R3HDM2: variants seen among roughly 807,000 people sequenced by gnomAD.
R3HDM2 encodes R3H domain-containing protein 2.
Under a neutral mutation model 124.5 loss-of-function variants are expected in R3HDM2, and 38 were observed. The observed-to-expected ratio is 0.31, with a 90% CI of 0.24 to 0.40. The LOEUF (loss-of-function observed/expected upper bound fraction) is 0.40. Ranked by LOEUF, R3HDM2 falls within the 10% of genes least tolerant of loss-of-function variation. R3HDM2 has a pLI of 1.00. For missense variants in R3HDM2, 869 were observed against 1,236.9 expected (o/e 0.70, Z 4.46); for synonymous variants, 391 against 448.0 (o/e 0.87, Z 1.61).
chr12:57,430,196 G>C (rs566655060), intron 1 of R3HDM2, among the ~76,000 whole-genome samples: 1 of 152,248 alleles, frequency 6.6e-6, no homozygotes, highest in African/African-American at 2.4e-5. Flanking sequence ...ACGGGAAAAC[G>C]AATCGAAGCG....
intron 19 of R3HDM2, among the ~76,000 whole-genome samples, chr12:57,264,580 G>A (rs1291442737): frequency 2.1e-4 from 31 of 145,822 alleles, no homozygotes; most frequent in African/African-American, 7.6e-4. Flanking sequence ...TCAAAAAAAA[G>A]AAAAGAAAAG....
chr12:57,418,640 CCT>C (rs758562427), intron 1 of R3HDM2, among the ~76,000 whole-genome samples: 11 of 151,544 alleles, frequency 7.3e-5, no homozygotes, highest in Non-Finnish European at 1.2e-4. Flanking sequence ...CTCACCGCAA[CCT>C]CTGTCTCCCC....
intron 2 of R3HDM2, among the ~76,000 whole-genome samples, chr12:57,382,831 A>G (rs1018814008): frequency 2.2e-4 from 33 of 151,764 alleles, no homozygotes; most frequent in Non-Finnish European, 3.8e-4. Flanking sequence ...GAGAGACTCC[A>G]TCTCAAAAAT....
In R3HDM2 at chr12:57,271,149, C is replaced by T. The variant is rs572856957; in HGVS notation, c.1345-1155G>A. 3.9e-5 allele frequency among the ~76,000 whole-genome samples: 6 copies of T among 152,326 alleles called. No homozygotes were observed. In the South Asian group the frequency reaches 1.2e-3, roughly 32 times the overall value. On this transcript the variant is annotated intron_variant, in intron 14 of 23. Coordinates refer to ENST00000402412, the MANE Select transcript of R3HDM2 (RefSeq NM_001394031.1). ...AGCAGCAAGACTGGGGGCTCCCACT[C>T]CTGCTGCTTATCTCCTTACTCCCTC...
Position 57,255,120 on chromosome 12 carries a change from G to A in R3HDM2, c.2633-7C>T, listed in dbSNP as rs772288152. On this transcript the variant is annotated splice_polypyrimidine_tract_variant and splice_region_variant and intron_variant, in intron 23 of 23. Transcript: ENST00000402412. ...TCCAGCACCCGCCCCAGGACTGGAA[G>A]GGGAGGAGAGAGGACATGGTTGTGA... The A allele has an allele frequency of 2.5e-6, 4 of 1,569,382 alleles. No individual in the cohort carries two copies. In the African/African-American group the frequency reaches 4.1e-5, roughly 16 times the overall value.
intron 12 of R3HDM2, 132 bp downstream of exon 12, chr12:57,288,877 G>T: frequency 6.4e-7 from 1 of 1,551,276 alleles, no homozygotes; most frequent in Non-Finnish European, 8.7e-7. Flanking sequence ...GCCTTCTCTT[G>T]TGAGAGCTAG....
chr12:57,294,631 GCTCTTCAAATCGAATCCCTTTTGGAGGC>G (rs1566009834), intron 10 of R3HDM2, among the ~76,000 whole-genome samples: 5 of 152,062 alleles, frequency 3.3e-5, no homozygotes, highest in African/African-American at 1.2e-4. Context: ...ACTCAACCAC[GCTCTTCAAATCGAATCCCTTTTGGAGGC>G]CAAGCAGAGG....
chr12:57,380,504 G>A (rs1033536077), intron 2 of R3HDM2, among the ~76,000 whole-genome samples: 2 of 152,158 alleles, frequency 1.3e-5, no homozygotes, highest in Non-Finnish European at 2.9e-5. Context: ...GGTTGCAGAT[G>A]TTCTTTCTGT....
intron 1 of R3HDM2, among the ~76,000 whole-genome samples, chr12:57,396,742 C>T (rs1405900449): frequency 2.8e-5 from 4 of 144,916 alleles, no homozygotes; most frequent in Non-Finnish European, 6.0e-5. Context: ...CATGCCACTG[C>T]ACTCCAGGCT....
intron 2 of R3HDM2, among the ~76,000 whole-genome samples, chr12:57,375,696 C>T (rs899069759): frequency 1.6e-4 from 22 of 140,074 alleles, no homozygotes; most frequent in Non-Finnish European, 2.6e-4. Flanking sequence ...TTTTTTGAGA[C>T]GGAGTCTTGC....
chr12:57,369,016 C>T (rs1422848340), intron 2 of R3HDM2, among the ~76,000 whole-genome samples: 5 of 152,168 alleles, frequency 3.3e-5, no homozygotes, highest in Non-Finnish European at 7.4e-5. Context: ...GACTAATTTA[C>T]ATCTCCTAAT....
At chr12:57,279,885 A>G (rs2045745413) in intron 14 of R3HDM2, among the ~76,000 whole-genome samples, 2 of 152,116 alleles carry the variant, frequency 1.3e-5, no homozygotes, top group African/African-American at 4.8e-5. Context: ...GTTTCGTGGC[A>G]TATGTATGGA....
At chr12:57,413,254 T>G (rs2069175382) in intron 1 of R3HDM2, among the ~76,000 whole-genome samples, 1 of 152,014 alleles carries the variant, frequency 6.6e-6, no homozygotes, top group Non-Finnish European at 1.5e-5. Flanking sequence ...CCATCTCCCA[T>G]GGCAAGTCAC....
chr12:57,355,828 G>T (rs1035642315), intron 2 of R3HDM2, among the ~76,000 whole-genome samples: 11 of 152,094 alleles, frequency 7.2e-5, no homozygotes, highest in Admixed American at 1.3e-4. Context: ...ATTTAGCCCT[G>T]AGTATTTCAT....
At chr12:57,295,232 CAAAT>C (rs1310871230) in intron 10 of R3HDM2, among the ~76,000 whole-genome samples, 163 bp downstream of exon 10, 1 of 152,162 alleles carries the variant, frequency 6.6e-6, no homozygotes, top group African/African-American at 2.4e-5. Context: ...TCCAGTTCAA[CAAAT>C]AAACAGTTCT....
intron 17 of R3HDM2, 24 bp from the exon 18 acceptor site, chr12:57,268,481 G>A (rs764119250): frequency 1.1e-5 from 18 of 1,612,358 alleles, no homozygotes; most frequent in Admixed American, 1.7e-5. Context: ...AGAAGAGAAA[G>A]AATCACATTC....
intron 2 of R3HDM2, among the ~76,000 whole-genome samples, chr12:57,335,035 G>C (rs2058676346): frequency 6.6e-6 from 1 of 151,040 alleles, no homozygotes; most frequent in Non-Finnish European, 1.5e-5. Context: ...CCAGCTACTT[G>C]AGAGGCTATA....
rs202092893 is a variant in R3HDM2, at chr12:57,269,400, T to C, written c.1637A>G (p.Gln546Arg). 1 of 1,614,106 alleles carries C rather than the reference T, an allele frequency of 6.2e-7. No individual in the cohort carries two copies. Among genetic ancestry groups the C allele is most frequent in the Non-Finnish European group, 8.5e-7 (1 of 1,180,006 alleles). ...CACCGGGTGAGAGAGAGGTCGATAT[T>C]GCTGGTTGGAGTTAGGATATTGTCC... ...PPGQYPNSNQ[Q>R]YRPLSHPVAY... Residue 546 changes from glutamine to arginine, a missense_variant, in exon 16 of 24, where the codon CAA becomes CGA. By Grantham distance (43) the Gln-to-Arg change is conservative (BLOSUM62 1). This residue lies in a region of R3HDM2 where 602 missense variants were observed against 789.2 expected (regional missense o/e 0.76). Coordinates refer to ENST00000402412, the MANE Select transcript of R3HDM2 (RefSeq NM_001394031.1).
intron 16 of R3HDM2, 87 bp from the exon 17 acceptor site, chr12:57,269,169 ATCTT>A (rs530977867): frequency 1.3e-6 from 2 of 1,565,036 alleles, no homozygotes; most frequent in Non-Finnish European, 1.7e-6. Context: ...ATTCTATTTT[ATCTT>A]TCTTTTTCTG....
Sources: gnomAD v4.1 joint callset for allele counts (sites outside exome capture counted in the v4.1 genomes callset) on GRCh38, gnomAD v4.1.1 for gene constraint, gnomAD v4.1.1 regional missense constraint, MANE v1.5 for transcripts, NCBI Gene and HGNC (gene_info 2026-07-23, HGNC 2026-07-21) for gene names.